The following ZFAND3 variants were observed in gnomAD, a reference collection of about 807,000 sequenced individuals.
ZFAND3 encodes the protein AN1-type zinc finger protein 3.
A neutral mutation model predicts 29.6 loss-of-function variants in ZFAND3; 10 were observed. The observed-to-expected ratio is 0.34, with a 90% CI of 0.21 to 0.57. The LOEUF is 0.57. Ranked by LOEUF, ZFAND3 falls within the 20% of genes least tolerant of loss-of-function variation. The pLI, the probability that ZFAND3 is intolerant of heterozygous loss-of-function variation, is 0.86. For missense variants in ZFAND3, 230 were observed against 304.5 expected (o/e 0.76, Z 1.82); for synonymous variants, 128 against 112.6 (o/e 1.14, Z -0.87).
At chr6:38,027,612 CAG>C (rs1763474899) in intron 2 of ZFAND3, among the ~76,000 whole-genome samples, 2 of 152,284 alleles carry the variant, frequency 1.3e-5, no homozygotes, top group African/African-American at 4.8e-5. Context: ...TTCAGAAGCT[CAG>C]AGAGAGTAGC....
At chr6:38,071,079 A>T (rs1764444986) in intron 3 of ZFAND3, among the ~76,000 whole-genome samples, 1 of 151,480 alleles carries the variant, frequency 6.6e-6, no homozygotes, top group African/African-American at 2.4e-5. Context: ...ATATATATAT[A>T]TATGTAACAA....
intron 2 of ZFAND3, among the ~76,000 whole-genome samples, chr6:38,040,243 A>T (rs1763734225): frequency 6.6e-6 from 1 of 152,194 alleles, no homozygotes; most frequent in African/African-American, 2.4e-5. Context: ...TAAAATTTTT[A>T]AAAATTCATT....
At chr6:38,142,505 CTACTT>C (rs1217836363) in intron 5 of ZFAND3, among the ~76,000 whole-genome samples, 3 of 152,236 alleles carry the variant, frequency 2.0e-5, no homozygotes, top group Non-Finnish European at 4.4e-5. Context: ...TTTGTCATCT[CTACTT>C]TAACTTTGGA....
intron 1 of ZFAND3, among the ~76,000 whole-genome samples, chr6:37,878,129 C>T (rs1764827785): frequency 6.6e-6 from 1 of 152,124 alleles, no homozygotes; most frequent in South Asian, 2.1e-4. Flanking sequence ...TGTGGACAGC[C>T]TGTGACACTG....
chr6:38,095,684 T>A (rs1046753122), intron 4 of ZFAND3, among the ~76,000 whole-genome samples: 3 of 152,126 alleles, frequency 2.0e-5, no homozygotes, highest in South Asian at 2.1e-4. Context: ...TATCTGAAAA[T>A]TTTTTTCTGC....
chr6:38,116,432 A>G, intron 4 of ZFAND3, 140 bp from the exon 5 acceptor site: 1 of 948,768 alleles, frequency 1.1e-6, no homozygotes, highest in African/African-American at 1.6e-5. Context: ...TAAACCAAGC[A>G]AGTCAGAACT....
chr6:37,831,653 G>A (rs1253094892), intron 1 of ZFAND3, among the ~76,000 whole-genome samples: 1 of 152,224 alleles, frequency 6.6e-6, no homozygotes, highest in Non-Finnish European at 1.5e-5. Context: ...GTTTGAGCTA[G>A]ATATGAAAGA....
intron 1 of ZFAND3, among the ~76,000 whole-genome samples, chr6:37,840,827 G>A (rs1764060063): frequency 6.6e-6 from 1 of 152,110 alleles, no homozygotes; most frequent in South Asian, 2.1e-4. Flanking sequence ...TTAAGTTGAA[G>A]GTTTCTTAAG....
At chr6:38,015,605 G>A (rs1763239587) in intron 2 of ZFAND3, among the ~76,000 whole-genome samples, 1 of 152,178 alleles carries the variant, frequency 6.6e-6, no homozygotes, top group African/African-American at 2.4e-5. Flanking sequence ...ACACTATGCA[G>A]CTATTAGCAA....
At chr6:37,852,697 G>A (rs774664588) in intron 1 of ZFAND3, among the ~76,000 whole-genome samples, 6 of 149,750 alleles carry the variant, frequency 4.0e-5, no homozygotes, top group African/African-American at 7.4e-5. Flanking sequence ...ACATTCTTAT[G>A]TGTATTTCCT....
intron 5 of ZFAND3, among the ~76,000 whole-genome samples, chr6:38,139,383 G>T (rs1765903333): frequency 6.6e-6 from 1 of 152,146 alleles, no homozygotes. Context: ...CAAATTAAAT[G>T]AACAAATTCC....
At chr6:38,129,803 CTTTT>C (rs35241336) in intron 5 of ZFAND3, among the ~76,000 whole-genome samples, 1 of 145,826 alleles carries the variant, frequency 6.9e-6, no homozygotes, top group Non-Finnish European at 1.5e-5. Context: ...GATATGTGGG[CTTTT>C]TTTTTTTTCC....
chr6:38,041,680 T>TCC (rs1561976765), intron 2 of ZFAND3, among the ~76,000 whole-genome samples: 5 of 21,014 alleles, frequency 2.4e-4, no homozygotes, highest in Admixed American at 1.3e-3. Flanking sequence ...CTTCTTCTTC[T>TCC]TCTTCTCCTT....
chr6:37,857,662 G>A (rs982679292), intron 1 of ZFAND3, among the ~76,000 whole-genome samples: 1 of 152,202 alleles, frequency 6.6e-6, no homozygotes, highest in Non-Finnish European at 1.5e-5. Flanking sequence ...GAGGCGACTT[G>A]TCGAGCAGCT....
chr6:38,020,686 C>G (rs569029338), intron 2 of ZFAND3, among the ~76,000 whole-genome samples: 1 of 152,258 alleles, frequency 6.6e-6, no homozygotes, highest in Non-Finnish European at 1.5e-5. Flanking sequence ...TGATATTGTC[C>G]AGATTGCTGT....
chr6:37,866,712 G>A (rs770528889), intron 1 of ZFAND3, among the ~76,000 whole-genome samples: 6 of 152,164 alleles, frequency 3.9e-5, no homozygotes, highest in Non-Finnish European at 5.9e-5. Context: ...ACTTGGTGTA[G>A]TGTATTATCC....
intron 1 of ZFAND3, among the ~76,000 whole-genome samples, chr6:37,820,336 C>G (rs1225541506): frequency 6.6e-6 from 1 of 152,188 alleles, no homozygotes; most frequent in East Asian, 1.9e-4. Context: ...GTTGACCGCT[C>G]CGGGAGGAGC....
intron 4 of ZFAND3, among the ~76,000 whole-genome samples, chr6:38,108,622 A>G (rs552216248): frequency 9.2e-5 from 14 of 152,178 alleles, no homozygotes; most frequent in Non-Finnish European, 1.9e-4. Context: ...AGACCAGCAA[A>G]CAGACTTATC....
At chr6:38,151,532 C>A (rs751415846) in intron 5 of ZFAND3, among the ~76,000 whole-genome samples, 6 of 151,364 alleles carry the variant, frequency 4.0e-5, no homozygotes, top group Non-Finnish European at 8.8e-5. Flanking sequence ...CTCAACCTCT[C>A]TCACCTACCC....
Sources: allele counts gnomAD v4.1 joint callset (sites outside exome capture counted in the v4.1 genomes callset), GRCh38; gene constraint gnomAD v4.1.1; transcripts MANE v1.5; gene names NCBI Gene and HGNC (gene_info 2026-07-23, HGNC 2026-07-21).